The following NRXN1 variants were observed in gnomAD, a reference collection of about 807,000 sequenced individuals.
NRXN1 encodes the protein neurexin 1, also known as neurexin-1.
Under a neutral mutation model 150.9 loss-of-function variants are expected in NRXN1, and 39 were observed. That is an observed-to-expected ratio of 0.26 (90% CI 0.20 to 0.34). The LOEUF (loss-of-function observed/expected upper bound fraction) is 0.34, where lower values mean the gene tolerates loss of function less well. NRXN1 is among the 10% of genes least tolerant of loss of function. The pLI is 1.00. For missense variants in NRXN1, 1,815 were observed against 1,949.9 expected (o/e 0.93, Z 1.30); for synonymous variants, 924 against 757.0 (o/e 1.22, Z -3.62).
intron 21 of NRXN1, among the ~76,000 whole-genome samples, chr2:49,985,823 C>CA (rs906913104): frequency 1.4e-3 from 203 of 148,134 alleles, no homozygotes; most frequent in African/African-American, 3.3e-3. Context: ...ATATTTACAA[C>CA]AAAAAAAAAA....
intron 8 of NRXN1, among the ~76,000 whole-genome samples, chr2:50,575,314 G>A (rs1671265196): frequency 6.6e-6 from 1 of 152,160 alleles, no homozygotes; most frequent in Non-Finnish European, 1.5e-5. Context: ...TGTGCAATCA[G>A]CCCTGAAATT....
intron 12 of NRXN1, among the ~76,000 whole-genome samples, chr2:50,513,802 G>A (rs1238929267): frequency 6.6e-6 from 1 of 151,812 alleles, no homozygotes; most frequent in African/African-American, 2.4e-5. Context: ...TAGCTGTACA[G>A]AAACTTGAAA....
chr2:49,970,052 A>T (rs768004308), intron 21 of NRXN1: 1 of 152,152 alleles, frequency 6.6e-6, no homozygotes, highest in Non-Finnish European at 1.5e-5. Flanking sequence ...CCAAAATAAT[A>T]TTCAAGTCAT....
chr2:50,531,317 C>T lies in NRXN1; in HGVS notation c.2257G>A (p.Gly753Ser), dbSNP rs928465011. 6.2e-7 allele frequency: 1 copy of T among 1,613,590 alleles called. No homozygotes were observed. The highest frequency in any genetic ancestry group is 8.5e-7 in the Non-Finnish European group (1 of 1,179,748). Residue 753 changes from glycine (G) to serine (S), a missense_variant, in exon 11 of 23, where the codon GGC becomes AGC. By Grantham distance (56) the Gly-to-Ser change is moderately conservative. Around this residue, in one of 6 missense-constraint regions of NRXN1, gnomAD observed 638 missense variants for 652.6 expected, o/e 0.98. Transcript: ENST00000401669. ...CTAGAAGTGGTTGCCATCAGAATGC[C>T]ATATGCACGCTGGGATCGGAACCGT... ...SLRFRSQRAY[G>S]ILMATTSRDS...
chr2:50,053,203 T>A, intron 21 of NRXN1, 68 bp downstream of exon 21: 6 of 1,517,680 alleles, frequency 4.0e-6, no homozygotes, highest in Non-Finnish European at 5.5e-6. Context: ...AAAAGACGCA[T>A]ATGCAGAAAA....
At chr2:50,271,692 T>C (rs2069677550) in intron 17 of NRXN1, among the ~76,000 whole-genome samples, 1 of 152,160 alleles carries the variant, frequency 6.6e-6, no homozygotes, top group South Asian at 2.1e-4. Flanking sequence ...AACCTATTCA[T>C]AAATCTTGTA....
At chr2:50,366,661 G>GC in intron 17 of NRXN1, among the ~76,000 whole-genome samples, 1 of 151,990 alleles carries the variant, frequency 6.6e-6, no homozygotes, top group Non-Finnish European at 1.5e-5. Flanking sequence ...TTTCTTAAAG[G>GC]TAGGTTTTGG....
chr2:50,406,223 C>T (rs13394447), intron 17 of NRXN1, among the ~76,000 whole-genome samples: 1 of 151,708 alleles, frequency 6.6e-6, no homozygotes, highest in Non-Finnish European at 1.5e-5. Context: ...TGGGAGAAGA[C>T]ATGATGGGAA....
chr2:50,903,607 T>G (rs1010849613), intron 5 of NRXN1, among the ~76,000 whole-genome samples: 1 of 152,160 alleles, frequency 6.6e-6, no homozygotes, highest in Non-Finnish European at 1.5e-5. Context: ...ATAAGCATTC[T>G]GTAAATTATA....
chr2:50,234,423 G>A (rs1383936846), intron 18 of NRXN1, among the ~76,000 whole-genome samples: 1 of 152,068 alleles, frequency 6.6e-6, no homozygotes, highest in East Asian at 1.9e-4. Context: ...GAACCCAGGA[G>A]GCAAAGGTTG....
At chr2:50,339,691 C>G (rs1276854736) in intron 17 of NRXN1, among the ~76,000 whole-genome samples, 1 of 152,102 alleles carries the variant, frequency 6.6e-6, no homozygotes, top group Non-Finnish European at 1.5e-5. Context: ...AAATAACATT[C>G]CTTATCACTA....
At chr2:50,949,750 A>C (rs547939885) in intron 2 of NRXN1, among the ~76,000 whole-genome samples, 157 of 152,232 alleles carry the variant, frequency 1.0e-3, no homozygotes, top group Non-Finnish European at 2.0e-3. Context: ...AACTTTTCCC[A>C]GAAAGCTTTT....
At chr2:50,501,616 T>C (rs2091951433) in intron 13 of NRXN1, among the ~76,000 whole-genome samples, 1 of 151,622 alleles carries the variant, frequency 6.6e-6, no homozygotes, top group South Asian at 2.1e-4. Flanking sequence ...GTGAATGTTG[T>C]TCCATAAAGG....
chr2:50,344,411 G>A (rs773158542), intron 17 of NRXN1, among the ~76,000 whole-genome samples: 9 of 152,078 alleles, frequency 5.9e-5, no homozygotes, highest in Admixed American at 1.3e-4. Context: ...ATCAGAAGAG[G>A]AGCAGCCTCT....
chr2:50,083,887 A>G (rs527783271), intron 19 of NRXN1, among the ~76,000 whole-genome samples: 1 of 152,160 alleles, frequency 6.6e-6, no homozygotes, highest in Non-Finnish European at 1.5e-5. Flanking sequence ...TCCCTTAGGT[A>G]GACATAAAGG....
chr2:50,191,400 C>T (rs2152822737), intron 18 of NRXN1, among the ~76,000 whole-genome samples: 1 of 152,046 alleles, frequency 6.6e-6, no homozygotes, highest in Admixed American at 6.6e-5. Context: ...AGGAAATTGA[C>T]TTTGGTCTAG....
chr2:50,673,594 G>A (rs1689149761), intron 5 of NRXN1, among the ~76,000 whole-genome samples: 1 of 152,048 alleles, frequency 6.6e-6, no homozygotes, highest in Non-Finnish European at 1.5e-5. Context: ...TTATTAGGAT[G>A]CTTCAGGGTG....
chr2:50,142,787 G>A (rs1707462706), intron 18 of NRXN1, among the ~76,000 whole-genome samples: 1 of 151,746 alleles, frequency 6.6e-6, no homozygotes, highest in Non-Finnish European at 1.5e-5. Context: ...TAAAAATCAA[G>A]ATAGGTTGGA....
At chr2:50,181,716 G>C (rs1408156883) in intron 18 of NRXN1, among the ~76,000 whole-genome samples, 1 of 151,908 alleles carries the variant, frequency 6.6e-6, no homozygotes, top group East Asian at 1.9e-4. Context: ...ACTTGAATGA[G>C]AATAATGGAT....
Sources: gnomAD v4.1 joint callset for allele counts (sites outside exome capture counted in the v4.1 genomes callset) on GRCh38, gnomAD v4.1.1 for gene constraint, gnomAD v4.1.1 regional missense constraint, MANE v1.5 for transcripts, NCBI Gene and HGNC (gene_info 2026-07-23, HGNC 2026-07-21) for gene names.